The following N4BP1 variants were observed in gnomAD, a reference collection of about 807,000 sequenced individuals.
The protein encoded by N4BP1 is NEDD4-binding protein 1.
A neutral mutation model predicts 70.9 loss-of-function variants in N4BP1; 21 were observed. That is an observed-to-expected ratio of 0.30 (90% CI 0.21 to 0.43). The LOEUF (loss-of-function observed/expected upper bound fraction) is 0.43, where lower values mean the gene tolerates loss of function less well. N4BP1 is among the 20% of genes least tolerant of loss of function. N4BP1 has a pLI of 1.00. For synonymous variants in N4BP1, 387 were observed against 394.6 expected, an observed-to-expected ratio of 0.98 and a Z score of 0.23; for missense variants, 936 against 1,069.4, an observed-to-expected ratio of 0.88 and a Z score of 1.74.
intron 1 of N4BP1, among the ~76,000 whole-genome samples, chr16:48,583,118 AG>A (rs1000870893): frequency 6.6e-6 from 1 of 152,124 alleles, no homozygotes; most frequent in African/African-American, 2.4e-5. Context: ...ATAATAAAAG[AG>A]AAAATGTTAT....
intron 1 of N4BP1, among the ~76,000 whole-genome samples, chr16:48,573,533 C>G (rs1376912254): frequency 1.3e-5 from 2 of 152,080 alleles, no homozygotes; most frequent in Non-Finnish European, 2.9e-5. Flanking sequence ...GCGGAGGTTG[C>G]AGTGAGCTGA....
intron 1 of N4BP1, among the ~76,000 whole-genome samples, chr16:48,576,148 T>C (rs1964090467): frequency 1.3e-5 from 2 of 151,938 alleles, no homozygotes; most frequent in African/African-American, 4.8e-5. Context: ...TAAACATGAA[T>C]TAGAAGTACC....
chr16:48,589,710 T>A (rs11076572), intron 1 of N4BP1, among the ~76,000 whole-genome samples: 1 of 151,954 alleles, frequency 6.6e-6, no homozygotes. Flanking sequence ...AACTTTTCCC[T>A]AGATCCCTAC....
At chr16:48,556,465 T>G (rs1424041836) in intron 2 of N4BP1, among the ~76,000 whole-genome samples, 1 of 152,164 alleles carries the variant, frequency 6.6e-6, no homozygotes, top group East Asian at 1.9e-4. Context: ...ACCCAAAGTA[T>G]ATATATAATA....
chr16:48,596,317 G>A (rs529913112), intron 1 of N4BP1, among the ~76,000 whole-genome samples: 5 of 152,246 alleles, frequency 3.3e-5, no homozygotes, highest in African/African-American at 1.2e-4. Flanking sequence ...CCACTTAAAT[G>A]CTGTACTAAA....
intron 1 of N4BP1, among the ~76,000 whole-genome samples, chr16:48,596,079 A>G (rs896442415): frequency 1.3e-5 from 2 of 152,272 alleles, no homozygotes; most frequent in African/African-American, 4.8e-5. Context: ...CAAGTATAAT[A>G]AAGTTTATTT....
chr16:48,574,798 G>T (rs1237714506), intron 1 of N4BP1, among the ~76,000 whole-genome samples: 1 of 152,168 alleles, frequency 6.6e-6, no homozygotes, highest in Non-Finnish European at 1.5e-5. Context: ...AGGGGAATAT[G>T]TTCAGACATT....
At chr16:48,547,778 G>A (rs1963610107) in intron 5 of N4BP1, among the ~76,000 whole-genome samples, 1 of 152,208 alleles carries the variant, frequency 6.6e-6, no homozygotes, top group South Asian at 2.1e-4. Context: ...AGCAGAGCAT[G>A]CCCACACTCA....
chr16:48,564,702 T>C (rs1963913871), intron 1 of N4BP1, among the ~76,000 whole-genome samples: 2 of 152,234 alleles, frequency 1.3e-5, no homozygotes, highest in Non-Finnish European at 2.9e-5. Context: ...AATATCTTGC[T>C]GGAATTTTAT....
At chr16:48,554,886 GCACTGTC>G (rs1158721883) in intron 2 of N4BP1, among the ~76,000 whole-genome samples, 1 of 152,128 alleles carries the variant, frequency 6.6e-6, no homozygotes, top group East Asian at 1.9e-4. Flanking sequence ...GCCTTCAAAG[GCACTGTC>G]CTACACTAAT....
chr16:48,560,182 A>G (rs1963832452), intron 2 of N4BP1, among the ~76,000 whole-genome samples: 1 of 152,206 alleles, frequency 6.6e-6, no homozygotes. Context: ...AACTAGAAAC[A>G]ACAGGTTCAT....
At chr16:48,605,769 T>A (rs1172184963) in intron 1 of N4BP1, among the ~76,000 whole-genome samples, 3 of 152,114 alleles carry the variant, frequency 2.0e-5, no homozygotes, top group Non-Finnish European at 4.4e-5. Flanking sequence ...AAATGTAAAT[T>A]TCTCATGTCC....
intron 1 of N4BP1, among the ~76,000 whole-genome samples, chr16:48,565,227 C>T (rs1459010803): frequency 6.6e-6 from 1 of 152,166 alleles, no homozygotes; most frequent in African/African-American, 2.4e-5. Context: ...GGTATGCTTG[C>T]CTTGTTAATG....
At chr16:48,609,381 G>A (rs368712067) in intron 1 of N4BP1, among the ~76,000 whole-genome samples, 2 of 152,230 alleles carry the variant, frequency 1.3e-5, no homozygotes, top group East Asian at 3.8e-4. Flanking sequence ...GGCTTAGGTG[G>A]TGGACGAGGC....
At chr16:48,584,937 T>C (rs149350008) in intron 1 of N4BP1, among the ~76,000 whole-genome samples, 1 of 152,314 alleles carries the variant, frequency 6.6e-6, no homozygotes, top group East Asian at 1.9e-4. Flanking sequence ...AATAAATCTA[T>C]ACTTTTTTCT....
chr16:48,559,949 G>A (rs1211256985), intron 2 of N4BP1, among the ~76,000 whole-genome samples: 1 of 152,190 alleles, frequency 6.6e-6, no homozygotes, highest in Non-Finnish European at 1.5e-5. Context: ...ATATGGTAAA[G>A]ATGTCCTTAA....
At chr16:48,596,272 T>C (rs1964413593) in intron 1 of N4BP1, among the ~76,000 whole-genome samples, 1 of 152,226 alleles carries the variant, frequency 6.6e-6, no homozygotes, top group African/African-American at 2.4e-5. Flanking sequence ...AACTGGAATT[T>C]GCACTCCTTA....
chr16:48,609,693 C>T, intron 1 of N4BP1, 82 bp downstream of exon 1: 1 of 1,157,616 alleles, frequency 8.6e-7, no homozygotes, highest in Middle Eastern at 3.3e-4. Flanking sequence ...TCGCGGCGGA[C>T]GGCGGGGGCG....
At chr16:48,557,589 A>G (rs1042026989) in intron 2 of N4BP1, among the ~76,000 whole-genome samples, 1 of 152,168 alleles carries the variant, frequency 6.6e-6, no homozygotes, top group Non-Finnish European at 1.5e-5. Context: ...TCAGTTAAAA[A>G]TCTAAACTGG....
Sources: allele counts gnomAD v4.1 joint callset (sites outside exome capture counted in the v4.1 genomes callset), GRCh38; gene constraint gnomAD v4.1.1; transcripts MANE v1.5; gene names NCBI Gene and HGNC (gene_info 2026-07-23, HGNC 2026-07-21).